TRIM46: variants seen among roughly 807,000 people sequenced by gnomAD.
TRIM46 encodes tripartite motif containing 46, also known as tripartite motif-containing protein 46.
In TRIM46, 17 loss-of-function variants were observed where a neutral mutation model predicts 69.7. The ratio of observed to expected loss-of-function variants is 0.24; its 90% CI spans 0.17 to 0.37. The LOEUF (loss-of-function observed/expected upper bound fraction) is 0.37, where lower values mean the gene tolerates loss of function less well. Among genes scored for constraint, TRIM46 ranks in the 10% least tolerant of loss-of-function variants. TRIM46 has a pLI of 1.00. For synonymous variants in TRIM46, 391 were observed against 429.0 expected, an observed-to-expected ratio of 0.91 and a Z score of 1.09; for missense variants, 675 against 1,025.1, an observed-to-expected ratio of 0.66 and a Z score of 4.66.
In TRIM46 at chr1:155,175,210, A is replaced by G. The variant is rs1008293165; in HGVS notation, c.64-176A>G. 1 of 1,475,310 alleles carries G rather than the reference A, an allele frequency of 6.8e-7. No homozygotes were observed. The highest frequency in any genetic ancestry group is 1.4e-5 in the African/African-American group (1 of 70,608). 91.4% of individuals were successfully genotyped at this position (1,475,310 alleles called of 1,614,324 possible). A position where few individuals can be genotyped will look rare whatever the true frequency, so the allele number is the denominator to read the frequency against. On this transcript the variant is annotated intron_variant, in intron 1 of 9. Coordinates refer to ENST00000334634, the MANE Select transcript of TRIM46 (RefSeq NM_025058.5). The surrounding 1 kb of genome is among the most constrained non-coding windows in gnomAD (Gnocchi z 4.2). ...GCTCTGCAGCGGGGAAAGAGAAGCAAGGGACAGAGGTCTGGGAAGGTCTGT... is the reference window on the plus strand; with the variant it reads ...GCTCTGCAGCGGGGAAAGAGAAGCAGGGGACAGAGGTCTGGGAAGGTCTGT...
At position 155,178,218 on chromosome 1, in the gene TRIM46, C is replaced by G. The variant is rs1399204634; in HGVS notation, c.1126C>G (p.Pro376Ala). The G allele has an allele frequency of 1.2e-6, 2 of 1,609,614 alleles. No individual in the cohort carries two copies. Among genetic ancestry groups the G allele is most frequent in the Admixed American group, 1.7e-5 (1 of 59,840 alleles). ...GGAAGTACTTAAGGAAACAGACCAG[C>G]CTTGCTTTGTGCAAGCCGCCAAGCA... ...AQEVLKETDQPCFVQAAKQLH... is the reference protein window; with the variant it reads ...AQEVLKETDQACFVQAAKQLH... The change falls in exon 6 of 10, where the codon CCT becomes GCT. Residue 376 changes from proline (P) to alanine (A), a missense_variant. Around this residue, in one of 5 missense-constraint regions of TRIM46, gnomAD observed 361 missense variants for 498.3 expected, o/e 0.72. Coordinates refer to ENST00000334634, the MANE Select transcript of TRIM46 (RefSeq NM_025058.5).
Position 155,175,233 on chromosome 1 carries a change from T to G in TRIM46, c.64-153T>G. The G allele has an allele frequency of 6.6e-7, 1 of 1,510,772 alleles. No homozygotes were observed. The highest frequency in any genetic ancestry group is 1.3e-5 in the South Asian group (1 of 74,150). 93.6% of individuals were successfully genotyped at this position (1,510,772 alleles called of 1,614,324 possible). A position where few individuals can be genotyped will look rare whatever the true frequency, so the allele number is the denominator to read the frequency against. ...CAAGGGACAGAGGTCTGGGAAGGTCTGTGAACCAGCCCAAGGCAGGTGCTC... is the reference window on the plus strand; with the variant it reads ...CAAGGGACAGAGGTCTGGGAAGGTCGGTGAACCAGCCCAAGGCAGGTGCTC... On this transcript the variant is annotated intron_variant, in intron 1 of 9. Coordinates refer to ENST00000334634, the MANE Select transcript of TRIM46 (RefSeq NM_025058.5). This position sits in a 1 kb window ranked among gnomAD's most constrained non-coding sequence, Gnocchi z 4.2.
chr1:155,182,563 G>A (rs886304093), intron 9 of TRIM46: 16 of 266,024 alleles, frequency 6.0e-5, no homozygotes, highest in Admixed American at 9.7e-5. Flanking sequence ...TCCCTTAGCC[G>A]GATGCGGTGG....
At position 155,183,904 on chromosome 1, in the gene TRIM46, C is replaced by T; in HGVS notation, c.1994C>T (p.Ser665Leu). 1.2e-6 allele frequency: 2 copies of T among 1,613,670 alleles called. No individual in the cohort carries two copies. The highest frequency in any genetic ancestry group is 1.7e-6 in the Non-Finnish European group (2 of 1,180,036). The stretch of plus-strand genomic sequence containing the variant: ...GGCATGGGCAAGATCCTGCTGGGGT[C>T]GGGGGCAAGCTCAAACGCAGGGCTG... ...TIGMGKILLG[S>L]GASSNAGLTG... The change falls in exon 10 of 10, where the codon TCG becomes TTG. Residue 665 changes from serine to leucine, a missense_variant. Coordinates refer to ENST00000334634, the MANE Select transcript of TRIM46 (RefSeq NM_025058.5).
At chr1:155,176,901 C>G in intron 3 of TRIM46, 31 bp from the exon 4 acceptor site, 1 of 1,606,040 alleles carries the variant, frequency 6.2e-7, no homozygotes, top group Non-Finnish European at 8.5e-7. Context: ...ACACCATTGT[C>G]TGACCATCAC....
At chr1:155,182,665 A>AC (rs1666252294) in intron 9 of TRIM46, 1 of 159,810 alleles carries the variant, frequency 6.3e-6, no homozygotes. Flanking sequence ...ACATGGAGTG[A>AC]CCCCATCTCT....
chr1:155,174,234 T>C (rs1665419793), intron 1 of TRIM46, among the ~76,000 whole-genome samples: 1 of 151,970 alleles, frequency 6.6e-6, no homozygotes, highest in Non-Finnish European at 1.5e-5. Context: ...AAGGCGTCGG[T>C]GTGCTGGAGC....
At chr1:155,174,066 G>C (rs144263774) in intron 1 of TRIM46, 37 bp downstream of exon 1, 87 of 1,550,040 alleles carry the variant, frequency 5.6e-5, no homozygotes, top group Middle Eastern at 1.7e-4. Context: ...GGGAGGGGGC[G>C]TATAGGGTTC....
chr1:155,181,733 C>G lies in TRIM46; in HGVS notation c.1589-119C>G. The G allele has an allele frequency of 8.9e-7, 1 of 1,120,268 alleles. No homozygotes were observed. Among genetic ancestry groups the G allele is most frequent in the Non-Finnish European group, 1.3e-6 (1 of 781,700 alleles). The allele number at this position is 1,120,268 out of a possible 1,614,324, so 69.4% of individuals were successfully genotyped here. On this transcript the variant is annotated intron_variant, in intron 8 of 9. Coordinates refer to ENST00000334634, the MANE Select transcript of TRIM46 (RefSeq NM_025058.5). This position sits in a 1 kb window ranked among gnomAD's most constrained non-coding sequence, Gnocchi z 4.3. ...TGTCCTGTTCTCCTGAACCCCCTGC[C>G]TGTTCCTGGTGACTGAACCCCCTTG...
In TRIM46 at chr1:155,184,360, T is replaced by C. The variant is rs1022734853; in HGVS notation, c.*170T>C. 2.7e-6 allele frequency: 2 copies of C among 743,568 alleles called. No individual in the cohort carries two copies. Among genetic ancestry groups the C allele is most frequent in the Non-Finnish European group, 4.2e-6 (2 of 471,656 alleles). The allele number at this position is 743,568 out of a possible 1,614,324, so 46.1% of individuals were successfully genotyped here. A position where few individuals can be genotyped will look rare whatever the true frequency, so the allele number is the denominator to read the frequency against. On this transcript the variant is annotated 3_prime_UTR_variant, in exon 10 of 10. Coordinates refer to ENST00000334634, the MANE Select transcript of TRIM46 (RefSeq NM_025058.5). The surrounding 1 kb of genome is among the most constrained non-coding windows in gnomAD (Gnocchi z 5.6). ...CACAGTTTTCTCTTGACCCAGGGGC[T>C]CTCTTCTGCCCACCTCTCTGGATGG...
At chr1:155,180,456 G>C in intron 8 of TRIM46, 1 of 431,330 alleles carries the variant, frequency 2.3e-6, no homozygotes, top group Non-Finnish European at 4.2e-6. Context: ...TTAGCCAGGC[G>C]TGGTGGTGCG....
In TRIM46 at chr1:155,181,804, T is replaced by C; in HGVS notation, c.1589-48T>C. ...AGTCTCACAGCCCCCAGTGCCAGTG[T>C]TTGTCCCTGAAGTTCTTGCTCCATC... is the stretch of plus-strand genomic sequence containing the variant. On this transcript the variant is annotated intron_variant, in intron 8 of 9. Transcript: ENST00000334634. The surrounding 1 kb of genome is among the most constrained non-coding windows in gnomAD (Gnocchi z 4.3). The C allele has an allele frequency of 6.4e-7, 1 of 1,568,794 alleles. No homozygotes were observed. The highest frequency in any genetic ancestry group is 1.2e-5 in the South Asian group (1 of 83,960).
chr1:155,175,880 A>AC lies in TRIM46; in HGVS notation c.326-5dup. 1 of 1,581,778 alleles carries AC rather than the reference A, an allele frequency of 6.3e-7. No individual in the cohort carries two copies. Among genetic ancestry groups the AC allele is most frequent in the South Asian group, 1.2e-5 (1 of 86,844 alleles). On this transcript the variant is annotated splice_region_variant and splice_polypyrimidine_tract_variant and intron_variant, in intron 2 of 9. Coordinates refer to ENST00000334634, the MANE Select transcript of TRIM46 (RefSeq NM_025058.5). This position sits in a 1 kb window ranked among gnomAD's most constrained non-coding sequence, Gnocchi z 4.2. ...CTCATGTCCTCTACCTCCCTGGTTC[A>AC]CCCACAGGCTTTGGGACATACCCTG...
intron 7 of TRIM46, 67 bp downstream of exon 7, chr1:155,178,680 G>A (rs1665887485): frequency 3.1e-6 from 5 of 1,595,782 alleles, no homozygotes; most frequent in Non-Finnish European, 3.4e-6. Context: ...CAGCGGGCCC[G>A]GGGGGCAGTG....
chr1:155,184,680 A>T lies in TRIM46; in HGVS notation c.*490A>T, dbSNP rs1006327185. The T allele has an allele frequency of 1.3e-5, 2 of 159,390 alleles. No homozygotes were observed. The highest frequency in any genetic ancestry group is 2.8e-5 in the Non-Finnish European group (2 of 72,224). The allele number at this position is 159,390 out of a possible 1,614,324, so 9.9% of individuals were successfully genotyped here. On this transcript the variant is annotated 3_prime_UTR_variant, in exon 10 of 10. Coordinates refer to ENST00000334634, the MANE Select transcript of TRIM46 (RefSeq NM_025058.5). The surrounding 1 kb of genome is among the most constrained non-coding windows in gnomAD (Gnocchi z 5.6). ...CTGGTGAGGGGAAGGGGACCCTGTC[A>T]TCCTGCTTTATTTATTTGGGTCCCA...
intron 1 of TRIM46, chr1:155,174,441 C>G: frequency 1.1e-6 from 1 of 942,672 alleles, no homozygotes; most frequent in South Asian, 4.9e-5. Context: ...CCAATTTGGA[C>G]CCCTCCCCAA....
In TRIM46 at chr1:155,179,933, T is replaced by A. The variant is rs1346125116; in HGVS notation, c.1587T>A (p.Pro529=). The A allele has an allele frequency of 3.2e-6, 5 of 1,569,298 alleles. No individual in the cohort carries two copies. The highest frequency in any genetic ancestry group is 1.3e-5 in the African/African-American group (1 of 74,320). ...TGCACCTGCACACGCCCCCGGCACC[T>A]GGTGAGTGGGCAGGCACAGGTGGTC... ...EDVHLHTPPA[P]VLHFFLDSRW... Residue 529 remains proline, a splice_region_variant and synonymous_variant, in exon 8 of 10, where the codon CCT becomes CCA. Coordinates refer to ENST00000334634, the MANE Select transcript of TRIM46 (RefSeq NM_025058.5).
rs762360285 is a variant in TRIM46 at position 155,175,753 on chromosome 1, G to A, written c.325+106G>A. 1.9e-6 allele frequency: 3 copies of A among 1,592,118 alleles called. No individual in the cohort carries two copies. Among genetic ancestry groups the A allele is most frequent in the East Asian group, 2.2e-5 (1 of 44,818 alleles). On this transcript the variant is annotated intron_variant, in intron 2 of 9. Coordinates refer to ENST00000334634, the MANE Select transcript of TRIM46 (RefSeq NM_025058.5). The surrounding 1 kb of genome is among the most constrained non-coding windows in gnomAD (Gnocchi z 4.2). The stretch of plus-strand genomic sequence containing the variant: ...AGGCATCTGTCTGTCTTTCTGGGGG[G>A]TGGAGATACTGCTTACGCAGGCTCT...
intron 8 of TRIM46, chr1:155,180,315 G>A (rs1666057669): frequency 9.5e-6 from 3 of 315,308 alleles, no homozygotes; most frequent in Non-Finnish European, 1.7e-5. Flanking sequence ...AAAATAAATA[G>A]GCCAGGCGAG....
Sources: allele counts gnomAD v4.1 joint callset (sites outside exome capture counted in the v4.1 genomes callset), GRCh38; gene constraint gnomAD v4.1.1; regional missense constraint gnomAD v4.1.1; non-coding constraint Gnocchi (gnomAD v3.1); transcripts MANE v1.5; gene names NCBI Gene and HGNC (gene_info 2026-07-23, HGNC 2026-07-21).